CAAP1: variants seen among roughly 807,000 people sequenced by gnomAD.
CAAP1 encodes conserved anti-apoptotic protein.
CAAP1 carries 20 observed loss-of-function variants against 34.0 expected under a neutral mutation model. That is an observed-to-expected ratio of 0.59 (90% CI 0.41 to 0.86). CAAP1 has a LOEUF of 0.86. Ranked by LOEUF, CAAP1 falls within the 40% of genes least tolerant of loss-of-function variation. The pLI is 0.00. For missense variants in CAAP1, 538 were observed against 450.5 expected (o/e 1.19, Z -1.76); for synonymous variants, 213 against 166.7 (o/e 1.28, Z -2.14).
intron 4 of CAAP1, among the ~76,000 whole-genome samples, chr9:26,862,942 A>C (rs1392836583): frequency 1.3e-5 from 2 of 152,198 alleles, no homozygotes; most frequent in East Asian, 3.8e-4. Context: ...ACATGTATGT[A>C]AGAAGGAAGT....
At chr9:26,883,202 T>TA in intron 4 of CAAP1, among the ~76,000 whole-genome samples, 1 of 152,282 alleles carries the variant, frequency 6.6e-6, no homozygotes, top group East Asian at 1.9e-4. Context: ...GGCAGAATGA[T>TA]ACGGTTTGGC....
chr9:26,844,342 G>A (rs1329423644), intron 5 of CAAP1, among the ~76,000 whole-genome samples: 1 of 151,950 alleles, frequency 6.6e-6, no homozygotes, highest in Admixed American at 6.6e-5. Flanking sequence ...GGGCAATAAG[G>A]GTGAAACTCC....
chr9:26,846,810 C>G lies in CAAP1; in HGVS notation c.740-4163G>C, dbSNP rs140822204. Among the ~76,000 whole-genome samples, 1,251 of 152,152 alleles carry G rather than the reference C, an allele frequency of 8.2e-3. 19 individuals carry two copies. The highest frequency in any genetic ancestry group is 0.029 in the African/African-American group (1,187 of 41,516). On this transcript the variant is annotated intron_variant, in intron 5 of 5. Transcript: ENST00000333916. ...TCAAGCAATTCTCCTGCCTCAGCCTCCCAAGTAGCTGGGATTACAGGCATG... is the reference window on the plus strand; with the variant it reads ...TCAAGCAATTCTCCTGCCTCAGCCTGCCAAGTAGCTGGGATTACAGGCATG...
intron 5 of CAAP1, among the ~76,000 whole-genome samples, chr9:26,848,987 T>C (rs757315597): frequency 6.6e-6 from 1 of 152,244 alleles, no homozygotes; most frequent in South Asian, 2.1e-4. Flanking sequence ...TTCATTCTGC[T>C]GTCTAGACAC....
intron 5 of CAAP1, among the ~76,000 whole-genome samples, chr9:26,846,482 T>C (rs1218963721): frequency 6.6e-6 from 1 of 150,684 alleles, no homozygotes; most frequent in African/African-American, 2.4e-5. Context: ...CACTTATCTA[T>C]GGTGTCTTTG....
chr9:26,843,477 C>CT (rs539625892), intron 5 of CAAP1, among the ~76,000 whole-genome samples: 4 of 151,590 alleles, frequency 2.6e-5, no homozygotes, highest in Middle Eastern at 3.4e-3. Flanking sequence ...CTTGCATTTT[C>CT]TTTTTTTTCT....
intron 4 of CAAP1, among the ~76,000 whole-genome samples, chr9:26,877,729 A>G (rs1210632415): frequency 6.6e-6 from 1 of 151,990 alleles, no homozygotes; most frequent in Admixed American, 6.6e-5. Flanking sequence ...CTTCCATGTT[A>G]TTTTTTCCCT....
At chr9:26,870,677 C>T (rs7872666) in intron 4 of CAAP1, among the ~76,000 whole-genome samples, 14,001 of 150,978 alleles carry the variant, frequency 0.093, 1,646 homozygotes, top group East Asian at 0.64. Context: ...AATGCAATGG[C>T]GCGATCTCGG....
intron 5 of CAAP1, among the ~76,000 whole-genome samples, chr9:26,847,195 AAT>A (rs1411848935): frequency 3.2e-4 from 30 of 92,584 alleles, no homozygotes; most frequent in South Asian, 6.3e-4. Context: ...AGTAAAAAGC[AAT>A]ATTTTTTTTT....
intron 1 of CAAP1, 80 bp downstream of exon 1, chr9:26,892,333 T>A (rs753079342): frequency 6.4e-7 from 1 of 1,565,594 alleles, no homozygotes; most frequent in South Asian, 1.2e-5. Flanking sequence ...AGCTCCAGCC[T>A]GCGCCCCATC....
chr9:26,884,244 T>A (rs1042396754), intron 4 of CAAP1, among the ~76,000 whole-genome samples: 2 of 152,162 alleles, frequency 1.3e-5, no homozygotes. Flanking sequence ...AGTGCACTAA[T>A]GAAGAAAAAA....
At chr9:26,869,117 A>G (rs996131493) in intron 4 of CAAP1, among the ~76,000 whole-genome samples, 1 of 152,178 alleles carries the variant, frequency 6.6e-6, no homozygotes, top group African/African-American at 2.4e-5. Flanking sequence ...TGTTAGATCT[A>G]GATGACAGGT....
intron 4 of CAAP1, among the ~76,000 whole-genome samples, chr9:26,868,315 G>GT (rs2131319053): frequency 6.6e-6 from 1 of 152,284 alleles, no homozygotes; most frequent in South Asian, 2.1e-4. Context: ...TTATAAGGAT[G>GT]TAAGAGAAGT....
intron 1 of CAAP1, among the ~76,000 whole-genome samples, chr9:26,887,734 G>A (rs1424797359): frequency 6.6e-6 from 1 of 152,102 alleles, no homozygotes; most frequent in African/African-American, 2.4e-5. Flanking sequence ...TATAAGGGAA[G>A]AGATATTTAG....
chr9:26,873,207 A>G (rs547511080), intron 4 of CAAP1, among the ~76,000 whole-genome samples: 1 of 152,294 alleles, frequency 6.6e-6, no homozygotes, highest in Admixed American at 6.5e-5. Flanking sequence ...GAGCCAATGC[A>G]CTCCAGCCAG....
rs1465587500 is a variant in CAAP1 at position 26,841,063 on chromosome 9, G to A, written c.*1238C>T. The A allele has an allele frequency of 2.0e-4, 31 of 152,042 alleles. No individual in the cohort carries two copies. The highest frequency in any genetic ancestry group is 2.0e-3 in the Admixed American group (31 of 15,272). 9.4% of individuals were successfully genotyped at this position (152,042 alleles called of 1,614,324 possible). A position where few individuals can be genotyped will look rare whatever the true frequency, so the allele number is the denominator to read the frequency against. ...AAGAATTTGTAACTGCAATTCCAGC[G>A]TTTCATAAATGTCCTCTATTTCCAT... On this transcript the variant is annotated 3_prime_UTR_variant, in exon 6 of 6. Coordinates refer to ENST00000333916, the MANE Select transcript of CAAP1 (RefSeq NM_024828.4).
chr9:26,845,410 C>G (rs1294488554), intron 5 of CAAP1, among the ~76,000 whole-genome samples: 1 of 152,110 alleles, frequency 6.6e-6, no homozygotes, highest in Admixed American at 6.5e-5. Context: ...TTTGCTTTTT[C>G]TGTCACCCAG....
intron 4 of CAAP1, among the ~76,000 whole-genome samples, chr9:26,861,705 T>C (rs1178601660): frequency 1.3e-5 from 2 of 152,180 alleles, no homozygotes. Context: ...CTTAGCATTA[T>C]ACCATCTTAA....
chr9:26,847,340 A>G (rs1252356784), intron 5 of CAAP1, among the ~76,000 whole-genome samples: 1 of 147,296 alleles, frequency 6.8e-6, no homozygotes, highest in Non-Finnish European at 1.5e-5. Context: ...TCAGCCTCCC[A>G]AGTAGCTGGG....
Sources: gnomAD v4.1 joint callset for allele counts (sites outside exome capture counted in the v4.1 genomes callset) on GRCh38, gnomAD v4.1.1 for gene constraint, MANE v1.5 for transcripts, NCBI Gene and HGNC (gene_info 2026-07-23, HGNC 2026-07-21) for gene names.